The following RSPRY1 variants were observed in gnomAD, a reference collection of about 807,000 sequenced individuals.
RSPRY1 encodes the protein ring finger and SPRY domain containing 1.
Under a neutral mutation model 73.1 loss-of-function variants are expected in RSPRY1, and 23 were observed. The observed-to-expected ratio is 0.31, with a 90% CI of 0.23 to 0.45. RSPRY1 has a LOEUF of 0.45. RSPRY1 is among the 20% of genes least tolerant of loss of function. The pLI, the probability that RSPRY1 is intolerant of heterozygous loss-of-function variation, is 1.00. For missense variants in RSPRY1, 448 were observed against 698.7 expected, an observed-to-expected ratio of 0.64 and a Z score of 4.05; for synonymous variants, 226 against 251.4, an observed-to-expected ratio of 0.90 and a Z score of 0.95.
intron 2 of RSPRY1, among the ~76,000 whole-genome samples, chr16:57,207,163 T>C (rs1280360575): frequency 6.6e-6 from 1 of 152,236 alleles, no homozygotes; most frequent in Non-Finnish European, 1.5e-5. Flanking sequence ...TATGCATACT[T>C]AATTTTATTA....
chr16:57,236,091 C>G (rs1420158805), intron 14 of RSPRY1, among the ~76,000 whole-genome samples: 1 of 152,242 alleles, frequency 6.6e-6, no homozygotes, highest in East Asian at 1.9e-4. Flanking sequence ...CCTATTACTT[C>G]TACAGCCCAG....
chr16:57,235,964 G>A (rs963400516), intron 14 of RSPRY1, among the ~76,000 whole-genome samples: 10 of 152,164 alleles, frequency 6.6e-5, no homozygotes, highest in East Asian at 1.9e-4. Flanking sequence ...CTTTTGAAAC[G>A]GGTTATCTAA....
chr16:57,203,459 T>C (rs1051338675), intron 1 of RSPRY1, among the ~76,000 whole-genome samples: 41 of 152,364 alleles, frequency 2.7e-4, no homozygotes, highest in African/African-American at 7.9e-4. Context: ...TAGCATAGTC[T>C]ATTCCTTATG....
Position 57,236,000 on chromosome 16 carries a change from A to G in RSPRY1, c.1634+772A>G, listed in dbSNP as rs556050321. Among the ~76,000 whole-genome samples, 16 of 152,276 alleles carry G rather than the reference A, an allele frequency of 1.1e-4. No homozygotes were observed. In the South Asian group the frequency reaches 3.3e-3, roughly 32 times the overall value. On this transcript the variant is annotated intron_variant, in intron 14 of 14. Transcript: ENST00000394420. ...TTGGCTGTGCACTTAAGGGAAGTAGAGTGTGTCTCATTTCACCCTTAGCTA... is the reference window on the plus strand; with the variant it reads ...TTGGCTGTGCACTTAAGGGAAGTAGGGTGTGTCTCATTTCACCCTTAGCTA...
chr16:57,238,829 T>G (rs2075338873), intron 14 of RSPRY1, 50 bp from the exon 15 acceptor site: 1 of 1,076,850 alleles, frequency 9.3e-7, no homozygotes, highest in Non-Finnish European at 1.3e-6. Context: ...CAGTTGGAGT[T>G]TGACCTTTTG....
chr16:57,235,307 T>TA, intron 14 of RSPRY1, 79 bp downstream of exon 14: 1 of 1,015,720 alleles, frequency 9.8e-7, no homozygotes, highest in Non-Finnish European at 1.5e-6. Flanking sequence ...GGGTTTATTG[T>TA]ATCTAAAGCA....
At chr16:57,197,746 C>T (rs2074477444) in intron 1 of RSPRY1, among the ~76,000 whole-genome samples, 2 of 152,062 alleles carry the variant, frequency 1.3e-5, no homozygotes, top group Admixed American at 1.3e-4. Context: ...TTCCCAAAGA[C>T]AGGGTCTAGC....
At chr16:57,189,057 G>T (rs1408220201) in intron 1 of RSPRY1, among the ~76,000 whole-genome samples, 1 of 144,762 alleles carries the variant, frequency 6.9e-6, no homozygotes, top group Non-Finnish European at 1.5e-5. Flanking sequence ...GCAATGGCGC[G>T]ATCTCAGCTC....
intron 2 of RSPRY1, chr16:57,207,637 A>T (rs976448137): frequency 2.2e-6 from 1 of 457,182 alleles, no homozygotes; most frequent in African/African-American, 2.0e-5. Flanking sequence ...CCTTGCTTCC[A>T]TAAGTCCTCA....
At chr16:57,233,292 A>T (rs1439556608) in intron 13 of RSPRY1, among the ~76,000 whole-genome samples, 1 of 152,164 alleles carries the variant, frequency 6.6e-6, no homozygotes, top group Non-Finnish European at 1.5e-5. Context: ...ACAGTGAAGC[A>T]CCACATACCC....
At chr16:57,211,890 A>T (rs952905129) in intron 4 of RSPRY1, among the ~76,000 whole-genome samples, 5 of 152,044 alleles carry the variant, frequency 3.3e-5, no homozygotes, top group African/African-American at 4.8e-5. Context: ...CAATTCTGGC[A>T]TTTTCATTCA....
At chr16:57,219,505 A>T (rs2075000445) in intron 8 of RSPRY1, among the ~76,000 whole-genome samples, 1 of 152,112 alleles carries the variant, frequency 6.6e-6, no homozygotes, top group Non-Finnish European at 1.5e-5. Context: ...TTTTAATCAG[A>T]TTATTGAATG....
chr16:57,227,604 G>T, intron 11 of RSPRY1, 151 bp downstream of exon 11: 2 of 591,814 alleles, frequency 3.4e-6, no homozygotes, highest in South Asian at 2.2e-5. Flanking sequence ...GGATATAAAT[G>T]GTATTCCTCT....
intron 11 of RSPRY1, among the ~76,000 whole-genome samples, chr16:57,230,097 G>A (rs1269663641): frequency 7.7e-5 from 10 of 129,704 alleles, no homozygotes; most frequent in Admixed American, 2.9e-4. Flanking sequence ...TGCAACCTCC[G>A]CCTCCCGGAT....
chr16:57,207,769 A>G (rs1303101089), intron 2 of RSPRY1: 3 of 501,140 alleles, frequency 6.0e-6, no homozygotes, highest in Non-Finnish European at 1.2e-5. Flanking sequence ...GTAGGCTGTG[A>G]TCTCCAGTTT....
chr16:57,216,819 T>G (rs898291941), intron 7 of RSPRY1, 85 bp from the exon 8 acceptor site: 2 of 1,296,144 alleles, frequency 1.5e-6, no homozygotes, highest in Non-Finnish European at 2.2e-6. Flanking sequence ...TAATTGCCTC[T>G]TCCCCCTCCT....
rs149821351 is a variant in RSPRY1 at position 57,222,308 on chromosome 16, G to A, written c.1161+893G>A. Reference sequence around the variant, plus strand: ...CAGGTCTCACTGTGTTGCTCAGGCTGGCCTCAAACTCCTGGGCTCAAGCCA... The same window carrying A: ...CAGGTCTCACTGTGTTGCTCAGGCTAGCCTCAAACTCCTGGGCTCAAGCCA... On this transcript the variant is annotated intron_variant, in intron 10 of 14. Transcript: ENST00000394420. 1.6e-4 allele frequency among the ~76,000 whole-genome samples: 25 copies of A among 152,298 alleles called. No individual in the cohort carries two copies. In the East Asian group the frequency reaches 4.6e-3, roughly 28 times the overall value.
intron 10 of RSPRY1, among the ~76,000 whole-genome samples, chr16:57,224,221 C>T (rs762949902): frequency 2.9e-4 from 44 of 152,322 alleles, no homozygotes; most frequent in Middle Eastern, 3.4e-3. Context: ...GAAATCCATC[C>T]TAACTATCCC....
chr16:57,199,632 G>C (rs1305354134), intron 1 of RSPRY1, among the ~76,000 whole-genome samples: 1 of 152,308 alleles, frequency 6.6e-6, no homozygotes, highest in South Asian at 2.1e-4. Flanking sequence ...CCATAGGCCT[G>C]TGCAGCATTT....
Sources: gnomAD v4.1 joint callset for allele counts (sites outside exome capture counted in the v4.1 genomes callset) on GRCh38, gnomAD v4.1.1 for gene constraint, MANE v1.5 for transcripts, NCBI Gene and HGNC (gene_info 2026-07-23, HGNC 2026-07-21) for gene names.